ATRN: variants seen among roughly 807,000 people sequenced by gnomAD.
ATRN encodes attractin-2.
Under a neutral mutation model 178.7 loss-of-function variants are expected in ATRN, and 54 were observed. The ratio of observed to expected loss-of-function variants is 0.30; its 90% confidence interval spans 0.24 to 0.38. The LOEUF (loss-of-function observed/expected upper bound fraction) is 0.38, where lower values mean the gene tolerates loss of function less well. Among genes scored for constraint, ATRN ranks in the 10% least tolerant of loss-of-function variants. The probability of loss-of-function intolerance (pLI) is 1.00; values close to 1 mark genes in which losing one functional copy is unlikely to be tolerated. For missense variants in ATRN, 1,443 were observed against 1,815.1 expected (o/e 0.79, Z 3.73); for synonymous variants, 636 against 663.0 (o/e 0.96, Z 0.63).
chr20:3,626,781 C>CTTTTTTTTTTTT (rs33999405), intron 25 of ATRN, among the ~76,000 whole-genome samples: 1 of 118,172 alleles, frequency 8.5e-6, no homozygotes, highest in African/African-American at 3.3e-5. Context: ...TGAATTATTT[C>CTTTTTTTTTTTT]TTTTTTTTTT....
chr20:3,521,148 C>A (rs1367154249), intron 1 of ATRN, among the ~76,000 whole-genome samples: 1 of 152,064 alleles, frequency 6.6e-6, no homozygotes, highest in Admixed American at 6.5e-5. Context: ...CTATTAGGTA[C>A]TATGCGTACA....
chr20:3,610,567 A>T (rs1211430890), intron 24 of ATRN, among the ~76,000 whole-genome samples: 2 of 93,650 alleles, frequency 2.1e-5, no homozygotes, highest in Non-Finnish European at 2.0e-5. Flanking sequence ...TTCCAGCTGA[A>T]TTTTTTTTTT....
intron 19 of ATRN, chr20:3,592,332 G>A (rs1035959586): frequency 1.6e-5 from 7 of 429,634 alleles, no homozygotes; most frequent in South Asian, 9.8e-5. Flanking sequence ...CCTGGGAGGC[G>A]GAGGTTGCAG....
intron 10 of ATRN, among the ~76,000 whole-genome samples, chr20:3,564,329 T>A (rs939907997): frequency 3.3e-5 from 5 of 152,156 alleles, no homozygotes; most frequent in African/African-American, 1.2e-4. Flanking sequence ...GGGAACACTT[T>A]CTTAAGGAGG....
chr20:3,634,254 C>T (rs8119224), intron 25 of ATRN, 57 bp from the exon 26 acceptor site: 63,228 of 1,543,842 alleles, frequency 0.041, 1,582 homozygotes, highest in Non-Finnish European at 0.048. Context: ...GTGTGGGCAA[C>T]GGTGGGAGCT....
chr20:3,531,391 C>G (rs2085451430), intron 1 of ATRN, among the ~76,000 whole-genome samples: 1 of 152,112 alleles, frequency 6.6e-6, no homozygotes, highest in African/African-American at 2.4e-5. Context: ...ATACCTCCTC[C>G]TAAGATTTCT....
rs140253651 is a variant in ATRN, at chr20:3,604,312, T to C, written c.3801+50T>C. 1,441 of 1,522,276 alleles carry C rather than the reference T, an allele frequency of 9.5e-4. 15 individuals carry two copies. In the African/African-American group the frequency reaches 0.016, roughly 16 times the overall value. 94.3% of individuals were successfully genotyped at this position (1,522,276 alleles called of 1,614,324 possible). ...ACCTGCAAAGGTGGTGAAATCTCTT[T>C]AGTAAGACTAAATTTACTAATTTGG... On this transcript the variant is annotated intron_variant, in intron 24 of 28. Coordinates refer to ENST00000262919, the MANE Select transcript of ATRN (RefSeq NM_139321.3).
chr20:3,471,281 G>A lies in ATRN; in HGVS notation c.174G>A (p.Arg58=), dbSNP rs1173899922. The A allele has an allele frequency of 6.8e-7, 1 of 1,466,916 alleles. No homozygotes were observed. The allele number at this position is 1,466,916 out of a possible 1,614,324, so 90.9% of individuals were successfully genotyped here. The change falls in exon 1 of 29, where the codon CGG becomes CGA. Residue 58 remains arginine (R), a synonymous_variant. Transcript: ENST00000262919. Reference sequence around the variant, plus strand: ...CGCGGCTGCTGTCTCCACCGCTGCGGCCACGGCTGCTGCTGCTGCTGTTGT... The same window carrying A: ...CGCGGCTGCTGTCTCCACCGCTGCGACCACGGCTGCTGCTGCTGCTGTTGT... ...RLPRLLSPPL[R]PRLLLLLLLL...
At chr20:3,623,390 A>G (rs934059067) in intron 24 of ATRN, among the ~76,000 whole-genome samples, 2 of 152,242 alleles carry the variant, frequency 1.3e-5, no homozygotes, top group East Asian at 3.8e-4. Context: ...TCCAAGCCCC[A>G]TAATATATTA....
chr20:3,526,915 A>C (rs181654180), intron 1 of ATRN, among the ~76,000 whole-genome samples: 49 of 152,332 alleles, frequency 3.2e-4, no homozygotes, highest in African/African-American at 1.1e-3. Flanking sequence ...CTTATACCTT[A>C]TACAAAAATT....
At chr20:3,501,892 C>T (rs545917977) in intron 1 of ATRN, among the ~76,000 whole-genome samples, 3 of 152,246 alleles carry the variant, frequency 2.0e-5, no homozygotes, top group Non-Finnish European at 2.9e-5. Context: ...TGGAAAATAC[C>T]TCAGGCTTTT....
At chr20:3,574,821 G>A (rs1393860849) in intron 12 of ATRN, among the ~76,000 whole-genome samples, 1 of 152,160 alleles carries the variant, frequency 6.6e-6, no homozygotes, top group African/African-American at 2.4e-5. Context: ...ATAATGACCA[G>A]GACAGGAAGA....
intron 16 of ATRN, 59 bp from the exon 17 acceptor site, chr20:3,583,839 C>A: frequency 1.4e-6 from 2 of 1,480,596 alleles, no homozygotes; most frequent in East Asian, 2.3e-5. Context: ...AAAGAAAAGT[C>A]TTTGACCTTA....
At chr20:3,544,595 A>G (rs1367342668) in intron 3 of ATRN, among the ~76,000 whole-genome samples, 6 of 152,158 alleles carry the variant, frequency 3.9e-5, no homozygotes, top group Admixed American at 3.9e-4. Context: ...AAAAACAATT[A>G]ACCTCAGGAG....
chr20:3,581,170 T>G (rs1351840055), intron 15 of ATRN, among the ~76,000 whole-genome samples: 1 of 152,172 alleles, frequency 6.6e-6, no homozygotes, highest in African/African-American at 2.4e-5. Context: ...GAGGGTTGCT[T>G]GAGCCCAGGG....
chr20:3,532,371 GT>G (rs2085466283), intron 1 of ATRN, among the ~76,000 whole-genome samples: 1 of 152,170 alleles, frequency 6.6e-6, no homozygotes, highest in Admixed American at 6.5e-5. Context: ...GAGTAAGGTG[GT>G]TTTTGTGGGT....
In ATRN at chr20:3,594,507, G is replaced by C. The variant is rs779823803; in HGVS notation, c.3351G>C (p.Leu1117=). The C allele has an allele frequency of 6.2e-7, 1 of 1,612,456 alleles. No individual in the cohort carries two copies. Among genetic ancestry groups the C allele is most frequent in the Non-Finnish European group, 8.5e-7 (1 of 1,178,872 alleles). The part of the protein sequence containing the change: ...QPCKCNGHAS[L]CNTNTGKCFC... Reference sequence around the variant, plus strand: ...GCAAGTGCAATGGGCACGCGTCTCTGTGCAACACCAACACGGGCAAGTGCT... The same window carrying C: ...GCAAGTGCAATGGGCACGCGTCTCTCTGCAACACCAACACGGGCAAGTGCT... The change falls in exon 20 of 29, where the codon CTG becomes CTC. Residue 1117 remains leucine (L), a synonymous_variant. Coordinates refer to ENST00000262919, the MANE Select transcript of ATRN (RefSeq NM_139321.3).
At chr20:3,515,220 A>G (rs1301927222) in intron 1 of ATRN, among the ~76,000 whole-genome samples, 1 of 152,186 alleles carries the variant, frequency 6.6e-6, no homozygotes, top group African/African-American at 2.4e-5. Context: ...TTATGCTTGC[A>G]TTATTCCTAG....
chr20:3,575,725 A>G (rs1421057318), intron 12 of ATRN, 102 bp from the exon 13 acceptor site: 5 of 1,318,448 alleles, frequency 3.8e-6, no homozygotes, highest in Non-Finnish European at 4.1e-6. Context: ...TTCATTCTTC[A>G]TTTTACTTCT....
Sources: gnomAD v4.1 joint callset for allele counts (sites outside exome capture counted in the v4.1 genomes callset) on GRCh38, gnomAD v4.1.1 for gene constraint, MANE v1.5 for transcripts, NCBI Gene and HGNC (gene_info 2026-07-23, HGNC 2026-07-21) for gene names.